The following TNPO3 variants were observed in gnomAD, a reference collection of about 807,000 sequenced individuals.
The protein encoded by TNPO3 is transportin 3, also known as transportin-3.
A neutral mutation model predicts 122.8 loss-of-function variants in TNPO3; 65 were observed. The ratio of observed to expected loss-of-function variants is 0.53; its 90% CI spans 0.43 to 0.65. The LOEUF is 0.65. Ranked by LOEUF, TNPO3 falls within the 30% of genes least tolerant of loss-of-function variation. The probability of loss-of-function intolerance (pLI) is 0.00; values close to 1 mark genes in which losing one functional copy is unlikely to be tolerated. For synonymous variants in TNPO3, 372 were observed against 411.2 expected (o/e 0.90, Z 1.15); for missense variants, 850 against 1,136.7 (o/e 0.75, Z 3.63).
At chr7:128,980,099 C>T in intron 14 of TNPO3, 68 bp from the exon 15 acceptor site, 2 of 1,363,736 alleles carry the variant, frequency 1.5e-6, no homozygotes, top group African/African-American at 1.4e-5. Context: ...GAGCCCTGAT[C>T]CCTGCTTGCT....
At chr7:128,970,404 T>A in intron 19 of TNPO3, 89 bp from the exon 20 acceptor site, 1 of 1,336,316 alleles carries the variant, frequency 7.5e-7, no homozygotes, top group Non-Finnish European at 1.0e-6. Flanking sequence ...AATTTCTCTT[T>A]AATAGGAAAG....
intron 1 of TNPO3, among the ~76,000 whole-genome samples, chr7:129,026,450 T>C (rs955783226): frequency 6.8e-6 from 1 of 146,254 alleles, no homozygotes; most frequent in African/African-American, 2.6e-5. Context: ...TTGGCCAAGC[T>C]GGAGTACAAT....
chr7:128,990,398 C>T lies in TNPO3; in HGVS notation c.1359-298G>A, dbSNP rs573645422. Among the ~76,000 whole-genome samples the T allele has an allele frequency of 1.6e-4, 24 of 152,318 alleles. No individual in the cohort carries two copies. In the South Asian group the frequency reaches 5.0e-3, roughly 32 times the overall value. ...AGGCTCTTTAAATTGGAGAGGCAGA[C>T]ATTTACTGTGGATGAATGTCTTCTT... is the stretch of plus-strand genomic sequence containing the variant. On this transcript the variant is annotated intron_variant, in intron 10 of 22. Transcript: ENST00000265388.
At chr7:128,975,183 AG>A (rs1798930452) in intron 17 of TNPO3, among the ~76,000 whole-genome samples, 1 of 152,246 alleles carries the variant, frequency 6.6e-6, no homozygotes, top group East Asian at 1.9e-4. Flanking sequence ...CATTTAAGAA[AG>A]GGTTGAGAAA....
At chr7:128,976,898 A>G (rs1395531457) in intron 16 of TNPO3, among the ~76,000 whole-genome samples, 1 of 152,238 alleles carries the variant, frequency 6.6e-6, no homozygotes, top group Non-Finnish European at 1.5e-5. Flanking sequence ...ATGCTCTACT[A>G]AGGAATGATT....
chr7:129,049,588 A>G (rs1808462401), intron 1 of TNPO3, among the ~76,000 whole-genome samples: 1 of 152,234 alleles, frequency 6.6e-6, no homozygotes, highest in Admixed American at 6.5e-5. Flanking sequence ...TAAAATGACT[A>G]AACTAACTGA....
chr7:129,020,801 C>CA (rs749537976), intron 1 of TNPO3, among the ~76,000 whole-genome samples: 147 of 151,600 alleles, frequency 9.7e-4, no homozygotes, highest in East Asian at 6.4e-3. Context: ...ACAAATCCCT[C>CA]AAAAAAAACA....
chr7:128,982,457 C>T, intron 13 of TNPO3, 133 bp from the exon 14 acceptor site: 1 of 651,320 alleles, frequency 1.5e-6, no homozygotes, highest in East Asian at 3.1e-5. Context: ...ATATAAACTC[C>T]TAAAAGTTAC....
chr7:128,968,291 C>T (rs1279237327), intron 20 of TNPO3, among the ~76,000 whole-genome samples: 1 of 152,154 alleles, frequency 6.6e-6, no homozygotes, highest in Non-Finnish European at 1.5e-5. Flanking sequence ...AAACCTTGCT[C>T]TTGTTGCTGT....
At chr7:128,990,223 A>T in intron 10 of TNPO3, 123 bp from the exon 11 acceptor site, 1 of 1,030,414 alleles carries the variant, frequency 9.7e-7, no homozygotes, top group South Asian at 1.3e-5. Context: ...ATTAAGATAA[A>T]AGTACTTGGT....
chr7:129,002,890 A>G (rs1459365166), intron 5 of TNPO3, among the ~76,000 whole-genome samples: 1 of 152,034 alleles, frequency 6.6e-6, no homozygotes, highest in Non-Finnish European at 1.5e-5. Flanking sequence ...AATACAAAAA[A>G]TTAGCCGGGC....
chr7:128,997,538 G>A lies in TNPO3; in HGVS notation c.1012-3C>T. ...AAGTTAAATGAAATTTCTACTACCTGTTAGGTTAAAAGAGATGATTTATTT... is the reference window on the plus strand; with the variant it reads ...AAGTTAAATGAAATTTCTACTACCTATTAGGTTAAAAGAGATGATTTATTT... On this transcript the variant is annotated splice_polypyrimidine_tract_variant and splice_region_variant and intron_variant, in intron 7 of 22. Coordinates refer to ENST00000265388, the MANE Select transcript of TNPO3 (RefSeq NM_012470.4). 6.2e-7 allele frequency: 1 copy of A among 1,611,962 alleles called. No individual in the cohort carries two copies. The highest frequency in any genetic ancestry group is 8.5e-7 in the Non-Finnish European group (1 of 1,178,150).
intron 10 of TNPO3, 148 bp from the exon 11 acceptor site, chr7:128,990,248 A>G (rs1226891048): frequency 2.3e-6 from 2 of 884,812 alleles, no homozygotes; most frequent in Admixed American, 2.0e-5. Context: ...GTTATGAAAG[A>G]TTTTCAAATC....
intron 1 of TNPO3, among the ~76,000 whole-genome samples, chr7:129,036,880 C>T (rs1382424431): frequency 6.6e-6 from 1 of 151,956 alleles, no homozygotes; most frequent in Non-Finnish European, 1.5e-5. Context: ...GCAAATCAGA[C>T]AACTGAAGAA....
intron 7 of TNPO3, among the ~76,000 whole-genome samples, chr7:128,998,079 C>CTCAA (rs993698037): frequency 1.1e-4 from 17 of 151,320 alleles, no homozygotes; most frequent in African/African-American, 4.1e-4. Flanking sequence ...AACTCCTGCC[C>CTCAA]TCAAGTAATC....
At chr7:128,975,646 C>T (rs1209040970) in intron 17 of TNPO3, among the ~76,000 whole-genome samples, 173 bp downstream of exon 17, 2 of 151,794 alleles carry the variant, frequency 1.3e-5, no homozygotes, top group Admixed American at 6.6e-5. Flanking sequence ...TTCTCTCAAA[C>T]AGGCCTGTTC....
chr7:128,985,613 A>AATAC (rs1453145976), intron 12 of TNPO3, among the ~76,000 whole-genome samples: 1 of 152,182 alleles, frequency 6.6e-6, no homozygotes, highest in Non-Finnish European at 1.5e-5. Context: ...TAAATAAATA[A>AATAC]AAATTGAAAA....
chr7:129,011,590 C>A (rs1803205203), intron 4 of TNPO3, among the ~76,000 whole-genome samples: 1 of 152,178 alleles, frequency 6.6e-6, no homozygotes, highest in African/African-American at 2.4e-5. Flanking sequence ...GATCTGCCAG[C>A]CTTGGCCTCC....
In TNPO3 at chr7:128,991,991, A is replaced by T. The variant is rs780925661; in HGVS notation, c.1358+8T>A. ...GAGTTCCCAGCAAAAGACTTATGAG[A>T]CACTCACGGATCAACACTCTTTGCT... is the stretch of plus-strand genomic sequence containing the variant. On this transcript the variant is annotated splice_region_variant and intron_variant, in intron 10 of 22. Coordinates refer to ENST00000265388, the MANE Select transcript of TNPO3 (RefSeq NM_012470.4). The T allele has an allele frequency of 6.3e-7, 1 of 1,576,336 alleles. No individual in the cohort carries two copies. The highest frequency in any genetic ancestry group is 1.2e-5 in the South Asian group (1 of 85,888).
Sources: allele counts gnomAD v4.1 joint callset (sites outside exome capture counted in the v4.1 genomes callset), GRCh38; gene constraint gnomAD v4.1.1; transcripts MANE v1.5; gene names NCBI Gene and HGNC (gene_info 2026-07-23, HGNC 2026-07-21).